QRFPR: variants seen among roughly 807,000 people sequenced by gnomAD.
QRFPR encodes pyroglutamylated RFamide peptide receptor.
A neutral mutation model predicts 31.3 loss-of-function variants in QRFPR; 37 were observed. The ratio of observed to expected loss-of-function variants is 1.18; its 90% confidence interval spans 0.91 to 1.56. QRFPR has a LOEUF of 1.56. QRFPR is among the 40% of genes most tolerant of loss of function. QRFPR has a pLI of 0.00. For synonymous variants in QRFPR, 197 were observed against 192.0 expected (o/e 1.03, Z -0.22); for missense variants, 542 against 532.5 (o/e 1.02, Z -0.18).
At chr4:121,352,599 A>G (rs113826215) in intron 1 of QRFPR, among the ~76,000 whole-genome samples, 1,592 of 152,194 alleles carry the variant, frequency 0.01, 28 homozygotes, top group African/African-American at 0.036. Context: ...TAATGAATAC[A>G]TAATGGTTAT....
chr4:121,369,645 C>T (rs1726195090), intron 1 of QRFPR: 8 of 1,595,502 alleles, frequency 5.0e-6, no homozygotes, highest in Non-Finnish European at 6.9e-6. Flanking sequence ...CTTCCAGAAT[C>T]ATACTTCTGA....
intron 1 of QRFPR, chr4:121,370,349 A>C (rs1396333025): frequency 2.0e-5 from 15 of 751,424 alleles, no homozygotes; most frequent in Non-Finnish European, 3.7e-5. Flanking sequence ...AAGCCATTGA[A>C]AGGCTGAGAT....
At chr4:121,377,610 C>T (rs1375075788) in intron 1 of QRFPR, among the ~76,000 whole-genome samples, 1 of 152,072 alleles carries the variant, frequency 6.6e-6, no homozygotes, top group Non-Finnish European at 1.5e-5. Context: ...CTAAATTATT[C>T]TCTGAATTAT....
rs11947418 is a variant in QRFPR, at chr4:121,340,504, A to G, written c.447T>C (p.His149=). The G allele has an allele frequency of 6.2e-7, 1 of 1,614,052 alleles. No homozygotes were observed. The highest frequency in any genetic ancestry group is 8.5e-7 in the Non-Finnish European group (1 of 1,179,992). ...IAVERHQGLV[H]PFKMKWQYTN... ...TGTATTGCCACTTCATTTTAAAAGGATGCACAAGTCCCTGGTGCCTTTCCA... is the reference window on the plus strand; with the variant it reads ...TGTATTGCCACTTCATTTTAAAAGGGTGCACAAGTCCCTGGTGCCTTTCCA... The change falls in exon 2 of 6, where the codon CAT becomes CAC. Residue 149 remains histidine, a synonymous_variant. Transcript: ENST00000394427.
In QRFPR at chr4:121,340,519, G is replaced by T. The variant is rs1725522409; in HGVS notation, c.432C>A (p.His144Gln). Residue 144 changes from histidine to glutamine, a missense_variant, in exon 2 of 6, where the codon CAC becomes CAA. His to Gln is a conservative substitution (Grantham distance 24, BLOSUM62 0). Transcript: ENST00000394427. Reference sequence around the variant, plus strand: ...TTTTAAAAGGATGCACAAGTCCCTGGTGCCTTTCCACAGCAATGCAGGTCA... The same window carrying T: ...TTTTAAAAGGATGCACAAGTCCCTGTTGCCTTTCCACAGCAATGCAGGTCA... ...LTMTCIAVERHQGLVHPFKMK... is the reference protein window; with the variant it reads ...LTMTCIAVERQQGLVHPFKMK... 2.5e-6 allele frequency: 4 copies of T among 1,613,964 alleles called. No individual in the cohort carries two copies. The highest frequency in any genetic ancestry group is 1.7e-6 in the Non-Finnish European group (2 of 1,179,998).
At chr4:121,353,575 A>G (rs1725804321) in intron 1 of QRFPR, among the ~76,000 whole-genome samples, 1 of 151,858 alleles carries the variant, frequency 6.6e-6, no homozygotes. Flanking sequence ...TTTATCTCCT[A>G]TTAAACTGTT....
chr4:121,350,463 A>G (rs1175031290), intron 1 of QRFPR, among the ~76,000 whole-genome samples: 1 of 152,204 alleles, frequency 6.6e-6, no homozygotes, highest in Non-Finnish European at 1.5e-5. Context: ...TCTCAGCGTG[A>G]CATTTAAAGA....
intron 3 of QRFPR, among the ~76,000 whole-genome samples, chr4:121,336,444 T>C (rs188562222): frequency 4.0e-4 from 61 of 152,316 alleles, no homozygotes; most frequent in African/African-American, 1.4e-3. Flanking sequence ...ACAATTTTTT[T>C]TACGTGACTT....
At chr4:121,343,453 G>T (rs541138118) in intron 1 of QRFPR, among the ~76,000 whole-genome samples, 1 of 152,124 alleles carries the variant, frequency 6.6e-6, no homozygotes, top group Non-Finnish European at 1.5e-5. Flanking sequence ...ACAAAATCCT[G>T]TTCAAACTTA....
intron 1 of QRFPR, among the ~76,000 whole-genome samples, chr4:121,344,449 C>G (rs1725606488): frequency 6.6e-6 from 1 of 152,146 alleles, no homozygotes; most frequent in Admixed American, 6.6e-5. Flanking sequence ...AGCATTTGCC[C>G]TATTCATTAC....
intron 1 of QRFPR, among the ~76,000 whole-genome samples, chr4:121,345,582 T>C (rs1014981087): frequency 6.6e-6 from 1 of 152,218 alleles, no homozygotes; most frequent in Non-Finnish European, 1.5e-5. Context: ...ACTACTATAG[T>C]TTGCCTCCAC....
intron 1 of QRFPR, 94 bp downstream of exon 1, chr4:121,380,197 GAGAGAGAGAGAGAGAGA>G (rs1726452084): frequency 0.015 from 6,533 of 439,518 alleles, 96 homozygotes; most frequent in South Asian, 0.019. Flanking sequence ...GAGAGAGAGA[GAGAGAGAGAGAGAGAGA>G]GAGAGAGAGA....
chr4:121,370,597 A>G (rs1579590582), intron 1 of QRFPR, among the ~76,000 whole-genome samples: 1 of 152,182 alleles, frequency 6.6e-6, no homozygotes, highest in South Asian at 2.1e-4. Flanking sequence ...GCGCATCTGG[A>G]CCCAAGCCAT....
intron 1 of QRFPR, among the ~76,000 whole-genome samples, chr4:121,378,950 G>A (rs1167048864): frequency 6.6e-6 from 1 of 152,106 alleles, no homozygotes; most frequent in Non-Finnish European, 1.5e-5. Flanking sequence ...ATTTAGAAAT[G>A]AAAACTCATG....
At chr4:121,340,200 C>T (rs182905310) in intron 2 of QRFPR, 5 of 408,668 alleles carry the variant, frequency 1.2e-5, no homozygotes, top group Admixed American at 7.3e-5. Context: ...ATTAGCTGAA[C>T]ATAGTGCTTA....
intron 1 of QRFPR, among the ~76,000 whole-genome samples, chr4:121,348,612 A>C (rs771126811): frequency 6.6e-5 from 10 of 151,946 alleles, no homozygotes; most frequent in Non-Finnish European, 1.5e-4. Flanking sequence ...AATATTTTTC[A>C]AGTAACTTCT....
chr4:121,371,616 C>T (rs1726248047), intron 1 of QRFPR, among the ~76,000 whole-genome samples: 1 of 152,190 alleles, frequency 6.6e-6, no homozygotes, highest in African/African-American at 2.4e-5. Flanking sequence ...TCTGGTTCAG[C>T]TTGGTCCTGA....
chr4:121,372,624 G>A (rs536112188), intron 1 of QRFPR, among the ~76,000 whole-genome samples: 140 of 152,170 alleles, frequency 9.2e-4, no homozygotes, highest in African/African-American at 3.2e-3. Flanking sequence ...TACCTTTTCT[G>A]TCTCTATGAC....
intron 1 of QRFPR, among the ~76,000 whole-genome samples, chr4:121,352,251 A>G (rs1309591652): frequency 1.3e-5 from 2 of 152,132 alleles, no homozygotes; most frequent in Non-Finnish European, 2.9e-5. Context: ...GTAGGGCAGT[A>G]ACAGAGTCAT....
Sources: allele counts gnomAD v4.1 joint callset (sites outside exome capture counted in the v4.1 genomes callset), GRCh38; gene constraint gnomAD v4.1.1; transcripts MANE v1.5; gene names NCBI Gene and HGNC (gene_info 2026-07-23, HGNC 2026-07-21).